The following RNF157 variants were observed in gnomAD, a reference collection of about 807,000 sequenced individuals.
RNF157 encodes the protein E3 ubiquitin ligase RNF157.
In RNF157, 55 loss-of-function variants were observed where a neutral mutation model predicts 88.3. That is an observed-to-expected ratio of 0.62 (90% confidence interval 0.50 to 0.78). RNF157 has a LOEUF of 0.78. Ranked by LOEUF, RNF157 falls within the 30% of genes least tolerant of loss-of-function variation. The pLI, the probability that RNF157 is intolerant of heterozygous loss-of-function variation, is 0.00. For synonymous variants in RNF157, 334 were observed against 341.2 expected (o/e 0.98, Z 0.23); for missense variants, 788 against 860.8 (o/e 0.92, Z 1.06).
chr17:76,152,320 C>T (rs1201925461), intron 18 of RNF157, 35 bp downstream of exon 18: 1 of 1,338,168 alleles, frequency 7.5e-7, no homozygotes, highest in Admixed American at 1.7e-5. Context: ...GGGATCGTCT[C>T]CCACCAAGTT....
At chr17:76,173,557 C>A (rs985759358) in intron 3 of RNF157, 145 bp downstream of exon 3, 5 of 619,136 alleles carry the variant, frequency 8.1e-6, no homozygotes, top group African/African-American at 1.9e-5. Context: ...GAAAGTAGCG[C>A]CCGCACTCCT....
chr17:76,218,100 T>C (rs1162162206), intron 1 of RNF157, among the ~76,000 whole-genome samples: 1 of 151,776 alleles, frequency 6.6e-6, no homozygotes, highest in Non-Finnish European at 1.5e-5. Flanking sequence ...AATAAACACA[T>C]AAATATCAAG....
intron 1 of RNF157, among the ~76,000 whole-genome samples, chr17:76,233,202 G>A (rs2070224788): frequency 6.6e-6 from 1 of 152,186 alleles, no homozygotes; most frequent in Non-Finnish European, 1.5e-5. Flanking sequence ...TTACAGGCGT[G>A]AGCCACCGTG....
intron 1 of RNF157, among the ~76,000 whole-genome samples, chr17:76,229,613 A>C (rs2070153321): frequency 1.3e-5 from 2 of 152,138 alleles, no homozygotes; most frequent in African/African-American, 2.4e-5. Context: ...TTTGCCTCAA[A>C]CTCAATAACC....
chr17:76,152,377 C>T lies in RNF157; in HGVS notation c.1899G>A (p.Leu633=). Residue 633 remains leucine (L), a synonymous_variant, in exon 18 of 19, where the codon CTG becomes CTA. Coordinates refer to ENST00000269391, the MANE Select transcript of RNF157 (RefSeq NM_052916.3). The part of the protein sequence containing the change: ...IASVKALDNK[L]CSEVCLPGAW... ...CACCAGGTAAGCAGACCTCAGAGCA[C>T]AGCTTATTGTCCAGTGCTTTCACGC... 2 of 1,612,042 alleles carry T rather than the reference C, an allele frequency of 1.2e-6. No homozygotes were observed. The highest frequency in any genetic ancestry group is 8.5e-7 in the Non-Finnish European group (1 of 1,178,082).
intron 2 of RNF157, among the ~76,000 whole-genome samples, chr17:76,177,146 G>A (rs559490649): frequency 5.9e-5 from 9 of 152,164 alleles, no homozygotes; most frequent in African/African-American, 1.4e-4. Flanking sequence ...CCCTGGCCCC[G>A]GCCCAGTGAG....
chr17:76,202,420 T>G (rs1174112786), intron 2 of RNF157, among the ~76,000 whole-genome samples: 2 of 152,232 alleles, frequency 1.3e-5, no homozygotes. Flanking sequence ...CATTTTATTT[T>G]CTGTTTTTTA....
chr17:76,180,602 T>G (rs1043347491), intron 2 of RNF157, among the ~76,000 whole-genome samples: 10 of 152,206 alleles, frequency 6.6e-5, no homozygotes, highest in Non-Finnish European at 1.5e-4. Flanking sequence ...ATTTTTAAAT[T>G]TTCGTAGAGA....
At chr17:76,174,502 T>C (rs2069072486) in intron 2 of RNF157, among the ~76,000 whole-genome samples, 1 of 152,222 alleles carries the variant, frequency 6.6e-6, no homozygotes, top group South Asian at 2.1e-4. Flanking sequence ...TCACTGGGAA[T>C]TGCCTTCTGA....
At chr17:76,169,709 A>T (rs983635340) in intron 3 of RNF157, among the ~76,000 whole-genome samples, 14 of 151,070 alleles carry the variant, frequency 9.3e-5, no homozygotes, top group African/African-American at 3.4e-4. Flanking sequence ...CCTCCCAAGT[A>T]GCTGGGATTA....
chr17:76,240,346 G>GCAGCGGAGC lies in RNF157; in HGVS notation c.-107_-106insGCTCCGCTG. On this transcript the variant is annotated 5_prime_UTR_variant, in exon 1 of 19. Coordinates refer to ENST00000269391, the MANE Select transcript of RNF157 (RefSeq NM_052916.3). This position sits in a 1 kb window ranked among gnomAD's most constrained non-coding sequence, Gnocchi z 4.4. ...CCGGTGCGGGGGCCGACTGCCCGCCGCGGCCGGCTCCGCTGCGGCGCTGCG... is the reference window on the plus strand; with the variant it reads ...CCGGTGCGGGGGCCGACTGCCCGCCGCAGCGGAGCCGGCCGGCTCCGCTGCGGCGCTGCG... The GCAGCGGAGC allele has an allele frequency of 2.8e-6, 1 of 357,904 alleles. No individual in the cohort carries two copies. The highest frequency in any genetic ancestry group is 3.9e-6 in the Non-Finnish European group (1 of 259,626). 22.2% of individuals were successfully genotyped at this position (357,904 alleles called of 1,614,324 possible). A position where few individuals can be genotyped will look rare whatever the true frequency, so the allele number is the denominator to read the frequency against.
intron 1 of RNF157, among the ~76,000 whole-genome samples, chr17:76,232,324 G>A (rs1260944800): frequency 1.3e-5 from 2 of 151,892 alleles, no homozygotes; most frequent in African/African-American, 2.4e-5. Flanking sequence ...GTAGGTCGAC[G>A]CTGCAGGGAG....
At chr17:76,205,097 C>T (rs2069657132) in intron 2 of RNF157, among the ~76,000 whole-genome samples, 1 of 151,250 alleles carries the variant, frequency 6.6e-6, no homozygotes, top group African/African-American at 2.4e-5. Flanking sequence ...TCCTTCCTTC[C>T]TCCCTCCCTC....
intron 2 of RNF157, among the ~76,000 whole-genome samples, chr17:76,204,315 C>G (rs914332330): frequency 6.6e-6 from 1 of 152,170 alleles, no homozygotes; most frequent in African/African-American, 2.4e-5. Context: ...TTAAAGGAGT[C>G]CCCTCCCAGA....
At chr17:76,203,420 G>C (rs2069620757) in intron 2 of RNF157, among the ~76,000 whole-genome samples, 1 of 151,468 alleles carries the variant, frequency 6.6e-6, no homozygotes. Flanking sequence ...TCATGACTAT[G>C]ACCTTTACTG....
At chr17:76,158,675 T>C (rs1430577776) in intron 12 of RNF157, among the ~76,000 whole-genome samples, 174 bp from the exon 13 acceptor site, 1 of 152,214 alleles carries the variant, frequency 6.6e-6, no homozygotes, top group Non-Finnish European at 1.5e-5. Flanking sequence ...AGCGATCCTC[T>C]TGTTGACGCT....
rs375702438 is a variant in RNF157 at position 76,158,411 on chromosome 17, C to G, written c.1395G>C (p.Ser465=). The part of the protein sequence containing the change: ...ESETQLSQRP[S]VQHLGEECGV... ...CAATTACCTCTCCGAGATGCTGAAC[C>G]GACGGTCTCTGAGAGAGCTGTGTCT... Residue 465 remains serine, a synonymous_variant, in exon 13 of 19, where the codon TCG becomes TCC. Transcript: ENST00000269391. 6.2e-7 allele frequency: 1 copy of G among 1,612,596 alleles called. No homozygotes were observed. Among genetic ancestry groups the G allele is most frequent in the Admixed American group, 1.7e-5 (1 of 60,014 alleles).
At chr17:76,168,081 C>CA (rs540623448) in intron 3 of RNF157, among the ~76,000 whole-genome samples, 1 of 152,088 alleles carries the variant, frequency 6.6e-6, no homozygotes, top group Non-Finnish European at 1.5e-5. Flanking sequence ...TTCCTCAAGG[C>CA]AAAAAACAGC....
In RNF157 at chr17:76,240,331, GGC is replaced by G; in HGVS notation, c.-93_-92del. 3 of 510,128 alleles carry G rather than the reference GGC, an allele frequency of 5.9e-6. No individual in the cohort carries two copies. The highest frequency in any genetic ancestry group is 7.5e-6 in the Non-Finnish European group (3 of 398,698). 31.6% of individuals were successfully genotyped at this position (510,128 alleles called of 1,614,324 possible). On this transcript the variant is annotated 5_prime_UTR_variant, in exon 1 of 19. The change abolishes the stop of an existing upstream ORF in the 5' untranslated region. Transcript: ENST00000269391. The surrounding 1 kb of genome is among the most constrained non-coding windows in gnomAD (Gnocchi z 4.4). ...CCGCCCGCCCCGCGCCCGGTGCGGG[GGC>G]CGACTGCCCGCCGCGGCCGGCTCCG...
Sources: allele counts gnomAD v4.1 joint callset (sites outside exome capture counted in the v4.1 genomes callset), GRCh38; gene constraint gnomAD v4.1.1; non-coding constraint Gnocchi (gnomAD v3.1); transcripts MANE v1.5; gene names NCBI Gene and HGNC (gene_info 2026-07-23, HGNC 2026-07-21).